Variants in CENPC observed in about 807,000 individuals in gnomAD.
CENPC encodes centromere protein C.
In CENPC, 63 loss-of-function variants were observed where a neutral mutation model predicts 112.1. The ratio of observed to expected loss-of-function variants is 0.56; its 90% CI spans 0.46 to 0.69. The LOEUF is 0.69. CENPC is among the 30% of genes least tolerant of loss of function. CENPC has a pLI of 0.00. For missense variants in CENPC, 1,000 were observed against 1,103.8 expected (o/e 0.91, Z 1.33); for synonymous variants, 333 against 367.6 (o/e 0.91, Z 1.08).
At chr4:67,511,320 G>A (rs1725886297) in intron 9 of CENPC, among the ~76,000 whole-genome samples, 1 of 152,128 alleles carries the variant, frequency 6.6e-6, no homozygotes. Flanking sequence ...CATATACAAT[G>A]CCATAGTTGT....
At chr4:67,537,664 G>A (rs189195254) in intron 4 of CENPC, among the ~76,000 whole-genome samples, 7 of 152,064 alleles carry the variant, frequency 4.6e-5, no homozygotes, top group Non-Finnish European at 8.8e-5. Flanking sequence ...GTGGAGATGG[G>A]CGCCTGTAAC....
chr4:67,517,550 A>G (rs561422986), intron 7 of CENPC, among the ~76,000 whole-genome samples: 8 of 149,968 alleles, frequency 5.3e-5, no homozygotes, highest in African/African-American at 1.8e-4. Context: ...TAAATACTGC[A>G]TTGTCGGCCG....
chr4:67,491,513 A>AGAGG (rs1421751924), intron 16 of CENPC, among the ~76,000 whole-genome samples: 6 of 141,166 alleles, frequency 4.3e-5, no homozygotes, highest in African/African-American at 1.6e-4. Context: ...AGAGAGAGAG[A>AGAGG]GAGAGAGAGA....
intron 4 of CENPC, among the ~76,000 whole-genome samples, chr4:67,531,158 C>A (rs1016342598): frequency 6.6e-6 from 1 of 151,874 alleles, no homozygotes; most frequent in Non-Finnish European, 1.5e-5. Flanking sequence ...CTCTAAACAG[C>A]AACTATGTGG....
At chr4:67,516,255 T>C (rs1352834777) in intron 7 of CENPC, among the ~76,000 whole-genome samples, 3 of 151,996 alleles carry the variant, frequency 2.0e-5, no homozygotes, top group Non-Finnish European at 2.9e-5. Flanking sequence ...AGTAATCTGA[T>C]AGACTGACTA....
At chr4:67,506,973 C>T (rs1488462096) in intron 10 of CENPC, 39 bp from the exon 11 acceptor site, 1 of 1,511,118 alleles carries the variant, frequency 6.6e-7, no homozygotes, top group African/African-American at 1.4e-5. Context: ...TATACTTCTT[C>T]AAAATAAAAT....
chr4:67,498,513 T>A (rs1384366661), intron 12 of CENPC, among the ~76,000 whole-genome samples: 4 of 152,248 alleles, frequency 2.6e-5, no homozygotes, highest in Non-Finnish European at 5.9e-5. Flanking sequence ...ACTAAGTTCA[T>A]GGAATATCCT....
At chr4:67,500,081 C>T (rs1479194768) in intron 12 of CENPC, among the ~76,000 whole-genome samples, 1 of 151,174 alleles carries the variant, frequency 6.6e-6, no homozygotes, top group Admixed American at 6.6e-5. Context: ...CACAAATCAC[C>T]ATAAAAGACA....
At chr4:67,494,526 A>G (rs187010667) in intron 13 of CENPC, among the ~76,000 whole-genome samples, 185 of 152,304 alleles carry the variant, frequency 1.2e-3, no homozygotes, top group African/African-American at 4.3e-3. Context: ...GGCCCACAAA[A>G]TACTGACAAT....
intron 4 of CENPC, among the ~76,000 whole-genome samples, chr4:67,532,846 C>T (rs888443176): frequency 3.3e-5 from 5 of 151,986 alleles, no homozygotes; most frequent in African/African-American, 9.7e-5. Flanking sequence ...TGTATACATA[C>T]GTAACAAACC....
In CENPC at chr4:67,530,889, A is replaced by G; in HGVS notation, c.257T>C (p.Val86Ala). The G allele has an allele frequency of 1.2e-6, 2 of 1,601,924 alleles. No individual in the cohort carries two copies. Among genetic ancestry groups the G allele is most frequent in the Non-Finnish European group, 1.7e-6 (2 of 1,173,196 alleles). The change falls in exon 5 of 19, where the codon GTT (valine) becomes GCT (alanine). Residue 86 changes from valine (V) to alanine (A), a missense_variant. Coordinates refer to ENST00000273853, the MANE Select transcript of CENPC (RefSeq NM_001812.4). The stretch of plus-strand genomic sequence containing the variant: ...TTCTTTCTTCTTTGAAGAAACTGGA[A>G]CTGACTTTGGATGTGATTTCTGGCA... Reference protein sequence around the residue: ...KECQKSHPKSVPVSSKKKEAS... With the variant: ...KECQKSHPKSAPVSSKKKEAS...
At chr4:67,500,365 T>C (rs957963949) in intron 12 of CENPC, among the ~76,000 whole-genome samples, 2 of 152,028 alleles carry the variant, frequency 1.3e-5, no homozygotes, top group Non-Finnish European at 2.9e-5. Context: ...TGTGTGTGTG[T>C]ATATATATAT....
chr4:67,508,270 TG>T, intron 10 of CENPC, among the ~76,000 whole-genome samples: 1 of 152,158 alleles, frequency 6.6e-6, no homozygotes, highest in East Asian at 1.9e-4. Context: ...ATCTCTACTT[TG>T]GGAGCCCAAG....
intron 18 of CENPC, among the ~76,000 whole-genome samples, chr4:67,472,882 A>G (rs1419768123): frequency 2.0e-5 from 3 of 152,216 alleles, no homozygotes; most frequent in Admixed American, 6.5e-5. Context: ...GAACAGAAAT[A>G]TAAATTTCAC....
chr4:67,483,328 G>T (rs1440448577), intron 17 of CENPC, among the ~76,000 whole-genome samples: 1 of 149,818 alleles, frequency 6.7e-6, no homozygotes. Flanking sequence ...ACTCCAGCCT[G>T]GGGACAGTGG....
At chr4:67,481,900 G>T (rs1002086231) in intron 17 of CENPC, among the ~76,000 whole-genome samples, 1 of 152,074 alleles carries the variant, frequency 6.6e-6, no homozygotes. Flanking sequence ...AAATAGATGG[G>T]ACCTAATTAA....
At chr4:67,543,071 C>T (rs946649057) in intron 2 of CENPC, among the ~76,000 whole-genome samples, 2 of 152,156 alleles carry the variant, frequency 1.3e-5, no homozygotes, top group Non-Finnish European at 2.9e-5. Flanking sequence ...CATCAAACAT[C>T]TTTGCTTTTT....
At chr4:67,489,363 T>A (rs1725177211) in intron 17 of CENPC, among the ~76,000 whole-genome samples, 1 of 151,584 alleles carries the variant, frequency 6.6e-6, no homozygotes, top group Non-Finnish European at 1.5e-5. Context: ...CAGCCAGTAA[T>A]ATTGTTACAT....
chr4:67,475,055 G>C, intron 17 of CENPC, 77 bp from the exon 18 acceptor site: 1 of 584,866 alleles, frequency 1.7e-6, no homozygotes. Flanking sequence ...AATGTAGTGG[G>C]AAGAATAACG....
Sources: allele counts gnomAD v4.1 joint callset (sites outside exome capture counted in the v4.1 genomes callset), GRCh38; gene constraint gnomAD v4.1.1; transcripts MANE v1.5; gene names NCBI Gene and HGNC (gene_info 2026-07-23, HGNC 2026-07-21).